The following PIEZO2 variants were observed in gnomAD, a reference collection of about 807,000 sequenced individuals.
PIEZO2 encodes piezo type mechanosensitive ion channel component 2.
A neutral mutation model predicts 337.3 loss-of-function variants in PIEZO2; 172 were observed. That is an observed-to-expected ratio of 0.51 (90% CI 0.45 to 0.58). PIEZO2 has a LOEUF of 0.58. PIEZO2 is among the 20% of genes least tolerant of loss of function. The pLI, the probability that PIEZO2 is intolerant of heterozygous loss-of-function variation, is 0.00. For missense variants in PIEZO2, 3,028 were observed against 3,391.3 expected (o/e 0.89, Z 2.66); for synonymous variants, 1,251 against 1,228.5 (o/e 1.02, Z -0.38).
Position 11,005,516 on chromosome 18 carries a change from G to A in PIEZO2, c.161-25856C>T, listed in dbSNP as rs373416770. On this transcript the variant is annotated intron_variant, in intron 2 of 55. Transcript: ENST00000674853. ...GAGCCTTGATCAAGGAGCGGTATCA[G>A]GGATGCTGGGGGCGTCATTACACAC... 1.1e-4 allele frequency among the ~76,000 whole-genome samples: 16 copies of A among 152,324 alleles called. No individual in the cohort carries two copies. In the South Asian group the frequency reaches 2.5e-3, roughly 24 times the overall value.
At chr18:10,768,234 T>A (rs2143948706) in intron 21 of PIEZO2, among the ~76,000 whole-genome samples, 1 of 152,288 alleles carries the variant, frequency 6.6e-6, no homozygotes, top group South Asian at 2.1e-4. Flanking sequence ...GAGATTTTGC[T>A]CACTTAAGTC....
At chr18:10,918,524 G>T (rs264277) in intron 3 of PIEZO2, among the ~76,000 whole-genome samples, 143,348 of 152,114 alleles carry the variant, frequency 0.94, 67,665 homozygotes, top group East Asian at 1. Flanking sequence ...GGGTGATCTC[G>T]TCATAAAAGA....
intron 20 of PIEZO2, among the ~76,000 whole-genome samples, chr18:10,772,455 T>C (rs1347411228): frequency 1.3e-5 from 2 of 152,120 alleles, no homozygotes; most frequent in African/African-American, 4.8e-5. Flanking sequence ...AGAGCTGGGG[T>C]CTCCCCTTCA....
At chr18:10,996,306 T>C (rs936344226) in intron 2 of PIEZO2, among the ~76,000 whole-genome samples, 10 of 152,380 alleles carry the variant, frequency 6.6e-5, no homozygotes, top group Admixed American at 2.6e-4. Context: ...ATTTGTCAAG[T>C]ATTCCCTTAT....
At chr18:10,736,549 C>T (rs1048814179) in intron 34 of PIEZO2, 55 bp downstream of exon 34, 16 of 1,532,650 alleles carry the variant, frequency 1.0e-5, no homozygotes, top group African/African-American at 4.1e-5. Flanking sequence ...AATGAAGGTC[C>T]GTCAATAAGA....
chr18:10,747,228 G>A (rs866957611), intron 30 of PIEZO2, among the ~76,000 whole-genome samples: 2 of 152,146 alleles, frequency 1.3e-5, no homozygotes, highest in African/African-American at 4.8e-5. Flanking sequence ...GAACATTCTC[G>A]TTTGAGAGAT....
Position 11,132,803 on chromosome 18 carries a change from C to G in PIEZO2, c.64+15722G>C, listed in dbSNP as rs2040378231. ...TACAGTGTTGGCTGCGGTGACTGACCCAGAATCACTGGGTCATCTCCAGCA... is the reference window on the plus strand; with the variant it reads ...TACAGTGTTGGCTGCGGTGACTGACGCAGAATCACTGGGTCATCTCCAGCA... On this transcript the variant is annotated intron_variant, in intron 1 of 55. Coordinates refer to ENST00000674853, the MANE Select transcript of PIEZO2 (RefSeq NM_001378183.1). The surrounding 1 kb of genome is among the most constrained non-coding windows in gnomAD (Gnocchi z 4.7). Among the ~76,000 whole-genome samples the G allele has an allele frequency of 6.6e-6, 1 of 152,056 alleles. No individual in the cohort carries two copies. Among genetic ancestry groups the G allele is most frequent in the Admixed American group, 6.6e-5 (1 of 15,252 alleles).
At chr18:11,058,185 G>A (rs556379715) in intron 2 of PIEZO2, among the ~76,000 whole-genome samples, 1 of 152,160 alleles carries the variant, frequency 6.6e-6, no homozygotes, top group Non-Finnish European at 1.5e-5. Context: ...TGTTACCCAG[G>A]CAAACAGGGT....
chr18:10,968,179 A>G (rs989713207), intron 3 of PIEZO2, among the ~76,000 whole-genome samples: 1 of 152,156 alleles, frequency 6.6e-6, no homozygotes, highest in African/African-American at 2.4e-5. Context: ...TTTGCCAATT[A>G]TCCCAGCACC....
rs2036631709 is a variant in PIEZO2 at position 11,028,887 on chromosome 18, C to T, written c.160+37240G>A. ...ATCAATTGCCCTGTGCCAAAGAATA[C>T]ATTTGGTGTCATAGGAAACAGAGTT... is the stretch of plus-strand genomic sequence containing the variant. On this transcript the variant is annotated intron_variant, in intron 2 of 55. Coordinates refer to ENST00000674853, the MANE Select transcript of PIEZO2 (RefSeq NM_001378183.1). This position sits in a 1 kb window ranked among gnomAD's most constrained non-coding sequence, Gnocchi z 4.8. Among the ~76,000 whole-genome samples the T allele has an allele frequency of 6.6e-6, 1 of 151,984 alleles. No homozygotes were observed. Among genetic ancestry groups the T allele is most frequent in the Non-Finnish European group, 1.5e-5 (1 of 68,004 alleles).
chr18:10,698,178 A>G (rs1274723665), intron 44 of PIEZO2, among the ~76,000 whole-genome samples: 1 of 152,254 alleles, frequency 6.6e-6, no homozygotes, highest in African/African-American at 2.4e-5. Flanking sequence ...CAGGTGTTCC[A>G]GATAGGATGC....
Position 10,795,394 on chromosome 18 carries a change from ATTTTATTT to A in PIEZO2, c.1528-400_1528-393del, listed in dbSNP as rs1479081154. ...ATTTTATTTTATTTTATTTTATTTT[ATTTTATTT>A]TATTTTATTCAGCTCTATTGCTTTA... On this transcript the variant is annotated intron_variant, in intron 12 of 55. Coordinates refer to ENST00000674853, the MANE Select transcript of PIEZO2 (RefSeq NM_001378183.1). This position sits in a 1 kb window ranked among gnomAD's most constrained non-coding sequence, Gnocchi z 4.4. Among the ~76,000 whole-genome samples, 19 of 19,400 alleles carry A rather than the reference ATTTTATTT, an allele frequency of 9.8e-4. No individual in the cohort carries two copies. Among genetic ancestry groups the A allele is most frequent in the Non-Finnish European group, 1.8e-3 (17 of 9,192 alleles). 12.7% of individuals were successfully genotyped at this position (19,400 alleles called of 152,430 possible).
intron 3 of PIEZO2, among the ~76,000 whole-genome samples, chr18:10,925,906 T>C (rs533691459): frequency 2.9e-3 from 441 of 150,252 alleles, no homozygotes; most frequent in Non-Finnish European, 5.2e-3. Flanking sequence ...TTGTTTTTTG[T>C]TTCCAAAAGT....
At chr18:10,709,984 G>A (rs2035752879) in intron 39 of PIEZO2, among the ~76,000 whole-genome samples, 1 of 152,262 alleles carries the variant, frequency 6.6e-6, no homozygotes, top group Admixed American at 6.5e-5. Context: ...AGTGAGGACT[G>A]GGATGCTGAC....
Position 10,784,983 on chromosome 18 carries a change from C to G in PIEZO2, c.2319-26G>C. On this transcript the variant is annotated intron_variant, in intron 16 of 55. Transcript: ENST00000674853. This position sits in a 1 kb window ranked among gnomAD's most constrained non-coding sequence, Gnocchi z 4.5. ...CTGCAAAACAAAACAAAATAAAAAG[C>G]AGGAACCTCTCTTACGCAATGAAGT... The G allele has an allele frequency of 6.6e-7, 1 of 1,522,390 alleles. No homozygotes were observed. Among genetic ancestry groups the G allele is most frequent in the Non-Finnish European group, 8.8e-7 (1 of 1,140,192 alleles). The allele number at this position is 1,522,390 out of a possible 1,614,324, so 94.3% of individuals were successfully genotyped here. A position where few individuals can be genotyped will look rare whatever the true frequency, so the allele number is the denominator to read the frequency against.
intron 21 of PIEZO2, among the ~76,000 whole-genome samples, chr18:10,764,092 G>T (rs1173385859): frequency 6.6e-6 from 1 of 152,196 alleles, no homozygotes; most frequent in Non-Finnish European, 1.5e-5. Flanking sequence ...CAGGCCAGAT[G>T]TTCCCACATT....
rs2039116207 is a variant in PIEZO2 at position 10,783,825 on chromosome 18, T to C, written c.2492+959A>G. ...AAAATGTTTCTCATCATTAAATAAA[T>C]GTTTTGGGTCTATCCATAACTCTAG... On this transcript the variant is annotated intron_variant, in intron 17 of 55. Transcript: ENST00000674853. The surrounding 1 kb of genome is among the most constrained non-coding windows in gnomAD (Gnocchi z 4.3). 6.6e-6 allele frequency among the ~76,000 whole-genome samples: 1 copy of C among 152,224 alleles called. No homozygotes were observed. The highest frequency in any genetic ancestry group is 1.5e-5 in the Non-Finnish European group (1 of 68,042).
chr18:11,138,514 C>T (rs1356088535), intron 1 of PIEZO2, among the ~76,000 whole-genome samples: 1 of 152,112 alleles, frequency 6.6e-6, no homozygotes, highest in Non-Finnish European at 1.5e-5. Context: ...AGGATGGTCT[C>T]GAATTCCTAA....
chr18:10,733,826 C>T (rs2036888086), intron 35 of PIEZO2, among the ~76,000 whole-genome samples: 2 of 152,136 alleles, frequency 1.3e-5, no homozygotes, highest in Admixed American at 6.5e-5. Flanking sequence ...GACACAAGCT[C>T]CATGAACCAG....
Sources: allele counts gnomAD v4.1 joint callset (sites outside exome capture counted in the v4.1 genomes callset), GRCh38; gene constraint gnomAD v4.1.1; non-coding constraint Gnocchi (gnomAD v3.1); transcripts MANE v1.5; gene names NCBI Gene and HGNC (gene_info 2026-07-23, HGNC 2026-07-21).